COL14A1: variants seen among roughly 807,000 people sequenced by gnomAD.
The protein encoded by COL14A1 is collagen alpha-1(XIV) chain.
Under a neutral mutation model 230.3 loss-of-function variants are expected in COL14A1, and 136 were observed. That is an observed-to-expected ratio of 0.59 (90% CI 0.51 to 0.68). The LOEUF is 0.68. Among genes scored for constraint, COL14A1 ranks in the 30% least tolerant of loss-of-function variants. COL14A1 has a pLI of 0.00. For synonymous variants in COL14A1, 792 were observed against 784.1 expected, an observed-to-expected ratio of 1.01 and a Z score of -0.17; for missense variants, 1,976 against 2,215.8, an observed-to-expected ratio of 0.89 and a Z score of 2.17.
intron 4 of COL14A1, among the ~76,000 whole-genome samples, chr8:120,163,620 G>A (rs528819590): frequency 1.3e-5 from 2 of 151,964 alleles, no homozygotes; most frequent in South Asian, 2.1e-4. Flanking sequence ...AAAATTAGCC[G>A]GGCGTGGTGG....
intron 23 of COL14A1, among the ~76,000 whole-genome samples, chr8:120,255,891 A>G (rs1369766753): frequency 6.6e-6 from 1 of 152,012 alleles, no homozygotes; most frequent in Non-Finnish European, 1.5e-5. Context: ...GTTCTCATGT[A>G]CATCCACAAT....
At chr8:120,165,133 A>C (rs764981148) in intron 4 of COL14A1, among the ~76,000 whole-genome samples, 13 of 152,202 alleles carry the variant, frequency 8.5e-5, no homozygotes, top group Non-Finnish European at 1.6e-4. Flanking sequence ...CCCAAATAGC[A>C]GTTTGTAAGA....
At chr8:120,136,653 G>C (rs753819807) in intron 1 of COL14A1, among the ~76,000 whole-genome samples, 7 of 151,878 alleles carry the variant, frequency 4.6e-5, no homozygotes, top group Non-Finnish European at 7.4e-5. Context: ...TTGTGATGCT[G>C]TCTAGTTTTG....
chr8:120,285,102 A>G (rs565349623), intron 32 of COL14A1, among the ~76,000 whole-genome samples: 1 of 152,192 alleles, frequency 6.6e-6, no homozygotes, highest in Admixed American at 6.5e-5. Flanking sequence ...TGAATGAAAT[A>G]TCTTGGGTGG....
At chr8:120,148,922 A>G (rs73704244) in intron 2 of COL14A1, among the ~76,000 whole-genome samples, 1,713 of 152,350 alleles carry the variant, frequency 0.011, 28 homozygotes, top group African/African-American at 0.037. Context: ...ATTTTTATAA[A>G]TAAAGTTTTA....
At chr8:120,346,841 A>T (rs1231088969) in intron 45 of COL14A1, among the ~76,000 whole-genome samples, 2 of 152,160 alleles carry the variant, frequency 1.3e-5, no homozygotes, top group Non-Finnish European at 2.9e-5. Context: ...TTGGTTCTGA[A>T]TTGCTTTGCA....
chr8:120,354,734 C>A (rs1359150123), intron 45 of COL14A1, among the ~76,000 whole-genome samples: 1 of 152,140 alleles, frequency 6.6e-6, no homozygotes, highest in Non-Finnish European at 1.5e-5. Context: ...TCTAAGGGAT[C>A]CAGTGGCTAA....
intron 1 of COL14A1, among the ~76,000 whole-genome samples, chr8:120,125,657 C>CG (rs1814305415): frequency 6.6e-6 from 1 of 152,090 alleles, no homozygotes; most frequent in Admixed American, 6.6e-5. Flanking sequence ...CGGGAAGAAG[C>CG]TGCGTTTGGC....
chr8:120,245,573 T>TA (rs112925019), intron 20 of COL14A1, among the ~76,000 whole-genome samples: 1 of 152,222 alleles, frequency 6.6e-6, no homozygotes, highest in Admixed American at 6.5e-5. Context: ...CATTTTTTTT[T>TA]ATCATATCTC....
intron 7 of COL14A1, 91 bp downstream of exon 7, chr8:120,198,021 A>G: frequency 7.7e-7 from 1 of 1,297,230 alleles, no homozygotes. Context: ...CGTTATCATA[A>G]TGTTTTAATT....
rs755318491 is a variant in COL14A1 at position 120,247,664 on chromosome 8, G to T, written c.2531G>T (p.Arg844Leu). 4 of 1,614,120 alleles carry T rather than the reference G, an allele frequency of 2.5e-6. No homozygotes were observed. The highest frequency in any genetic ancestry group is 3.4e-6 in the Non-Finnish European group (4 of 1,180,014). The change falls in exon 21 of 48, where the codon CGG becomes CTG. Residue 844 changes from arginine to leucine, a missense_variant. This residue lies in a region of COL14A1 where 1,791 missense variants were observed against 2,019.5 expected (regional missense o/e 0.89). Transcript: ENST00000297848. ...CGGGTGTCCGAGGAATGGTATAACC[G>T]GTTGCGCATTACGTGGGACCCCCCA... ...NLRVSEEWYN[R>L]LRITWDPPSS...
At chr8:120,293,397 A>G (rs1159687590) in intron 34 of COL14A1, among the ~76,000 whole-genome samples, 1 of 151,988 alleles carries the variant, frequency 6.6e-6, no homozygotes, top group African/African-American at 2.4e-5. Context: ...TGAATTATCT[A>G]TTTTAAGCTT....
intron 40 of COL14A1, among the ~76,000 whole-genome samples, chr8:120,323,624 C>A (rs965207523): frequency 1.8e-4 from 27 of 152,048 alleles, no homozygotes; most frequent in African/African-American, 6.5e-4. Context: ...CGGTTTCAAT[C>A]TTCTGCATAT....
At chr8:120,162,382 G>C in intron 3 of COL14A1, 44 bp from the exon 4 acceptor site, 17 of 1,525,664 alleles carry the variant, frequency 1.1e-5, no homozygotes, top group Non-Finnish European at 1.5e-5. Flanking sequence ...GTACACAGTG[G>C]ACCTTATTTC....
Position 120,280,119 on chromosome 8 carries a change from T to C in COL14A1, c.3646+20T>C. The C allele has an allele frequency of 6.2e-7, 1 of 1,613,142 alleles. No individual in the cohort carries two copies. Among genetic ancestry groups the C allele is most frequent in the South Asian group, 1.1e-5 (1 of 91,022 alleles). On this transcript the variant is annotated intron_variant, in intron 29 of 47. Coordinates refer to ENST00000297848, the MANE Select transcript of COL14A1 (RefSeq NM_021110.4). Reference sequence around the variant, plus strand: ...CAGCAAGTTAGTTCTTTGGAATTTGTACTTACTCATGTTGCTTAACAGCTG... The same window carrying C: ...CAGCAAGTTAGTTCTTTGGAATTTGCACTTACTCATGTTGCTTAACAGCTG...
At chr8:120,364,051 G>C (rs1823320752) in intron 45 of COL14A1, among the ~76,000 whole-genome samples, 1 of 151,984 alleles carries the variant, frequency 6.6e-6, no homozygotes, top group South Asian at 2.1e-4. Flanking sequence ...CAAGTTAAAG[G>C]GCATTTCAAA....
intron 40 of COL14A1, among the ~76,000 whole-genome samples, chr8:120,328,910 G>T (rs141196746): frequency 6.6e-6 from 1 of 152,136 alleles, no homozygotes; most frequent in African/African-American, 2.4e-5. Flanking sequence ...GGAGAACTCC[G>T]CAGTAATGCT....
chr8:120,210,845 G>A (rs566525666), intron 12 of COL14A1, among the ~76,000 whole-genome samples: 1 of 152,150 alleles, frequency 6.6e-6, no homozygotes, highest in African/African-American at 2.4e-5. Flanking sequence ...GGTGACATGT[G>A]TCTTTTTATT....
intron 19 of COL14A1, among the ~76,000 whole-genome samples, chr8:120,235,170 C>T (rs1373980902): frequency 6.6e-6 from 1 of 151,858 alleles, no homozygotes; most frequent in African/African-American, 2.4e-5. Flanking sequence ...TCCCCTTTAT[C>T]ATTTTTATTT....
Sources: allele counts gnomAD v4.1 joint callset (sites outside exome capture counted in the v4.1 genomes callset), GRCh38; gene constraint gnomAD v4.1.1; regional missense constraint gnomAD v4.1.1; transcripts MANE v1.5; gene names NCBI Gene and HGNC (gene_info 2026-07-23, HGNC 2026-07-21).